RAB3C: variants seen among roughly 807,000 people sequenced by gnomAD.
RAB3C encodes RAB3C, member RAS oncogene family.
Under a neutral mutation model 26.4 loss-of-function variants are expected in RAB3C, and 17 were observed. The ratio of observed to expected loss-of-function variants is 0.64; its 90% CI spans 0.44 to 0.97. The LOEUF (loss-of-function observed/expected upper bound fraction) is 0.97. RAB3C is among the 50% of genes least tolerant of loss of function. The probability of loss-of-function intolerance (pLI) is 0.00; values close to 1 mark genes in which losing one functional copy is unlikely to be tolerated. For synonymous variants in RAB3C, 91 were observed against 95.9 expected, an observed-to-expected ratio of 0.95 and a Z score of 0.30; for missense variants, 242 against 281.9, an observed-to-expected ratio of 0.86 and a Z score of 1.01.
At chr5:58,658,595 T>G (rs1273726117) in intron 2 of RAB3C, among the ~76,000 whole-genome samples, 1 of 152,220 alleles carries the variant, frequency 6.6e-6, no homozygotes, top group East Asian at 1.9e-4. Flanking sequence ...ATGGTAAGGT[T>G]TAGTGGCGTA....
upstream of RAB3C, chr5:58,582,384 A>C (rs1745917446): frequency 1.0e-6 from 1 of 985,056 alleles, no homozygotes; most frequent in Non-Finnish European, 1.2e-6. Flanking sequence ...GAATTTCTGA[A>C]CCTCGAGTTG....
chr5:58,640,013 A>G (rs1201624101), intron 2 of RAB3C, among the ~76,000 whole-genome samples: 2 of 152,178 alleles, frequency 1.3e-5, no homozygotes, highest in African/African-American at 4.8e-5. Flanking sequence ...TTTTAAATGT[A>G]CTAGGGAAGC....
chr5:58,690,661 G>A (rs901795589), intron 2 of RAB3C, among the ~76,000 whole-genome samples: 2 of 152,094 alleles, frequency 1.3e-5, no homozygotes, highest in African/African-American at 4.8e-5. Flanking sequence ...TTACGCAGCA[G>A]CTTAGGCCTC....
chr5:58,621,767 G>A (rs1247718348), intron 2 of RAB3C, among the ~76,000 whole-genome samples: 1 of 151,948 alleles, frequency 6.6e-6, no homozygotes, highest in Non-Finnish European at 1.5e-5. Context: ...GGGGAGATGG[G>A]GTTTCACCAT....
intron 1 of RAB3C, among the ~76,000 whole-genome samples, chr5:58,591,759 T>G (rs1472533826): frequency 6.6e-6 from 1 of 150,974 alleles, no homozygotes; most frequent in Non-Finnish European, 1.5e-5. Flanking sequence ...TCAGTATGAT[T>G]GAATTTAAGT....
At chr5:58,798,094 G>A (rs1183172878) in intron 3 of RAB3C, among the ~76,000 whole-genome samples, 3 of 40,894 alleles carry the variant, frequency 7.3e-5, no homozygotes, top group African/African-American at 1.0e-4. Context: ...CATACTTGGC[G>A]GGGGGGCCTC....
At chr5:58,648,395 G>C (rs1042935452) in intron 2 of RAB3C, among the ~76,000 whole-genome samples, 1 of 152,192 alleles carries the variant, frequency 6.6e-6, no homozygotes, top group Non-Finnish European at 1.5e-5. Flanking sequence ...TCTTCTCTTA[G>C]AGAGATCACA....
At chr5:58,830,896 G>A (rs1032621489) in intron 4 of RAB3C, among the ~76,000 whole-genome samples, 7 of 151,652 alleles carry the variant, frequency 4.6e-5, no homozygotes, top group Non-Finnish European at 8.8e-5. Flanking sequence ...TTTTAGAGAT[G>A]GGATCTTGCT....
chr5:58,691,092 T>A (rs758120471), intron 2 of RAB3C, among the ~76,000 whole-genome samples: 16 of 151,030 alleles, frequency 1.1e-4, no homozygotes, highest in Non-Finnish European at 2.2e-4. Context: ...TCACACAATT[T>A]CCAGTAAAAA....
chr5:58,829,114 A>G (rs573508857), intron 4 of RAB3C, among the ~76,000 whole-genome samples: 1 of 152,042 alleles, frequency 6.6e-6, no homozygotes, highest in East Asian at 1.9e-4. Context: ...CGTGTTAGCC[A>G]GGATGGTCTC....
At chr5:58,717,412 G>A (rs916656866) in intron 2 of RAB3C, among the ~76,000 whole-genome samples, 1 of 152,038 alleles carries the variant, frequency 6.6e-6, no homozygotes, top group Non-Finnish European at 1.5e-5. Flanking sequence ...TTCTTTCTTG[G>A]CTTCTTCAGT....
At chr5:58,815,670 G>A (rs1036722786) in intron 3 of RAB3C, 10 of 152,126 alleles carry the variant, frequency 6.6e-5, no homozygotes, top group African/African-American at 2.4e-4. Flanking sequence ...AGGCATTTTT[G>A]CCGTATTCAG....
intron 2 of RAB3C, among the ~76,000 whole-genome samples, chr5:58,681,090 T>G (rs1489997952): frequency 6.6e-6 from 1 of 152,192 alleles, no homozygotes; most frequent in Non-Finnish European, 1.5e-5. Flanking sequence ...AGAAAATATA[T>G]GCTGTTTATG....
intron 4 of RAB3C, among the ~76,000 whole-genome samples, chr5:58,842,612 A>G (rs1579949185): frequency 6.6e-6 from 1 of 152,372 alleles, no homozygotes; most frequent in East Asian, 1.9e-4. Flanking sequence ...ACAAGGAAGT[A>G]GCCATCCTAA....
intron 3 of RAB3C, among the ~76,000 whole-genome samples, chr5:58,805,670 T>A (rs1287606933): frequency 6.7e-6 from 1 of 149,174 alleles, no homozygotes; most frequent in Non-Finnish European, 1.5e-5. Context: ...CATAGAAAAA[T>A]GTTCCCAGAT....
chr5:58,752,546 T>C (rs1741554664), intron 3 of RAB3C, among the ~76,000 whole-genome samples: 1 of 152,122 alleles, frequency 6.6e-6, no homozygotes, highest in African/African-American at 2.4e-5. Context: ...TTGAACTCTT[T>C]AGGGTTCAAG....
chr5:58,743,273 T>C (rs934316465), intron 3 of RAB3C, among the ~76,000 whole-genome samples: 5 of 152,184 alleles, frequency 3.3e-5, no homozygotes, highest in African/African-American at 1.2e-4. Context: ...GTTTTTGTTT[T>C]AAGATACTAG....
chr5:58,833,633 TCAA>T (rs1043659823), intron 4 of RAB3C, among the ~76,000 whole-genome samples: 1 of 151,814 alleles, frequency 6.6e-6, no homozygotes, highest in African/African-American at 2.4e-5. Flanking sequence ...CGGAGTAAAA[TCAA>T]CACACTAACA....
chr5:58,721,356 G>GT (rs1740755998), intron 2 of RAB3C, among the ~76,000 whole-genome samples: 1 of 145,498 alleles, frequency 6.9e-6, no homozygotes, highest in East Asian at 2.0e-4. Context: ...ATTTCCAGTT[G>GT]TTTTTTTCAG....
Sources: gnomAD v4.1 joint callset for allele counts (sites outside exome capture counted in the v4.1 genomes callset) on GRCh38, gnomAD v4.1.1 for gene constraint, MANE v1.5 for transcripts, NCBI Gene and HGNC (gene_info 2026-07-23, HGNC 2026-07-21) for gene names.